Variants in MGMT observed in about 807,000 individuals in gnomAD.
The protein encoded by MGMT is methylated-DNA--protein-cysteine methyltransferase.
A neutral mutation model predicts 15.9 loss-of-function variants in MGMT; 14 were observed. That is an observed-to-expected ratio of 0.88 (90% CI 0.58 to 1.37). MGMT has a LOEUF of 1.37. Ranked by LOEUF, MGMT falls within the 40% of genes most tolerant of loss-of-function variation. The pLI, the probability that MGMT is intolerant of heterozygous loss-of-function variation, is 0.00. For synonymous variants in MGMT, 130 were observed against 118.2 expected (o/e 1.10, Z -0.65); for missense variants, 282 against 268.1 (o/e 1.05, Z -0.36).
At chr10:129,542,014 C>T (rs950963292) in intron 2 of MGMT, among the ~76,000 whole-genome samples, 1 of 152,166 alleles carries the variant, frequency 6.6e-6, no homozygotes, top group Non-Finnish European at 1.5e-5. Flanking sequence ...CCCTCTGGAA[C>T]GTGAGAACGT....
intron 3 of MGMT, chr10:129,715,614 G>C (rs182746086): frequency 1.0e-3 from 158 of 152,200 alleles, no homozygotes; most frequent in African/African-American, 3.6e-3. Context: ...GGTAATGTTC[G>C]TGCATTTGAA....
At chr10:129,518,339 C>CACACACAT (rs1355806107) in intron 1 of MGMT, among the ~76,000 whole-genome samples, 43 of 53,878 alleles carry the variant, frequency 8.0e-4, no homozygotes, top group African/African-American at 1.4e-3. Context: ...CACACACATA[C>CACACACAT]ACACACACAC....
intron 3 of MGMT, among the ~76,000 whole-genome samples, chr10:129,716,268 G>A (rs1420247733): frequency 2.0e-5 from 3 of 152,186 alleles, no homozygotes; most frequent in Admixed American, 1.3e-4. Flanking sequence ...ACCCACTCTG[G>A]CGAGCCCACC....
At chr10:129,516,819 C>G (rs960427443) in intron 1 of MGMT, among the ~76,000 whole-genome samples, 1 of 152,136 alleles carries the variant, frequency 6.6e-6, no homozygotes. Context: ...GAAACTCAGC[C>G]AGGTTTTTGT....
intron 2 of MGMT, among the ~76,000 whole-genome samples, chr10:129,681,080 C>T (rs940768911): frequency 5.3e-5 from 8 of 152,156 alleles, no homozygotes; most frequent in South Asian, 2.1e-4. Flanking sequence ...AACACTGGAG[C>T]GCCGGCTGCT....
chr10:129,552,611 A>C (rs1440610901), intron 2 of MGMT, among the ~76,000 whole-genome samples: 2 of 152,232 alleles, frequency 1.3e-5, no homozygotes, highest in African/African-American at 4.8e-5. Context: ...AGAATTCTGC[A>C]TCGCAGGCAC....
chr10:129,588,245 C>T (rs917793053), intron 2 of MGMT, among the ~76,000 whole-genome samples: 1 of 152,150 alleles, frequency 6.6e-6, no homozygotes, highest in Non-Finnish European at 1.5e-5. Flanking sequence ...GTCTCAGTTG[C>T]AGCTGACATT....
chr10:129,480,706 C>T lies in MGMT; in HGVS notation c.-13+13410C>T, dbSNP rs141721652. Reference sequence around the variant, plus strand: ...CAGCCTGGGCAATATAGCAAGATCCCGTCTCTACAAAAACATTTTTTAAAA... The same window carrying T: ...CAGCCTGGGCAATATAGCAAGATCCTGTCTCTACAAAAACATTTTTTAAAA... On this transcript the variant is annotated intron_variant, in intron 1 of 4. Coordinates refer to ENST00000651593, the MANE Select transcript of MGMT (RefSeq NM_002412.5). Among the ~76,000 whole-genome samples the T allele has an allele frequency of 5.2e-3, 795 of 152,214 alleles. 7 individuals are homozygous for T. The highest frequency in any genetic ancestry group is 0.018 in the African/African-American group (743 of 41,522).
At chr10:129,520,176 G>T (rs1204985131) in intron 1 of MGMT, among the ~76,000 whole-genome samples, 1 of 152,116 alleles carries the variant, frequency 6.6e-6, no homozygotes, top group Non-Finnish European at 1.5e-5. Context: ...ATGCTTTCAG[G>T]ATCCTTCAGA....
intron 2 of MGMT, among the ~76,000 whole-genome samples, chr10:129,681,165 C>T (rs771529813): frequency 6.6e-6 from 1 of 152,176 alleles, no homozygotes; most frequent in African/African-American, 2.4e-5. Context: ...CACCTGTGGC[C>T]GTAGCACCGG....
rs564343687 is a variant in MGMT, at chr10:129,569,244, G to A, written c.125+32867G>A. Among the ~76,000 whole-genome samples the A allele has an allele frequency of 7.2e-5, 11 of 152,264 alleles. No homozygotes were observed. In the South Asian group the frequency reaches 1.2e-3, roughly 17 times the overall value. ...GACATAAAACACCTGGCCCGGCTCC[G>A]GCGCACAGATGCTGAAGTCAGTTTT... is the stretch of plus-strand genomic sequence containing the variant. On this transcript the variant is annotated intron_variant, in intron 2 of 4. Transcript: ENST00000651593.
At chr10:129,756,702 T>A (rs1443860681) in intron 3 of MGMT, among the ~76,000 whole-genome samples, 2 of 152,132 alleles carry the variant, frequency 1.3e-5, no homozygotes, top group African/African-American at 4.8e-5. Flanking sequence ...ACTCCTGACC[T>A]CGTGATCCGC....
chr10:129,645,642 G>A (rs572555538), intron 2 of MGMT, among the ~76,000 whole-genome samples: 11 of 152,332 alleles, frequency 7.2e-5, no homozygotes, highest in East Asian at 5.8e-4. Context: ...GGATTTGTGC[G>A]TGTCGGTGGT....
Position 129,766,875 on chromosome 10 carries a change from C to T in MGMT, c.502C>T (p.Leu168Phe). The T allele has an allele frequency of 6.2e-7, 1 of 1,613,700 alleles. No individual in the cohort carries two copies. The highest frequency in any genetic ancestry group is 8.5e-7 in the Non-Finnish European group (1 of 1,180,030). ...YSGGLAVKEW[L>F]LAHEGHRLGK... Reference sequence around the variant, plus strand: ...CGGAGGACTGGCCGTGAAGGAATGGCTTCTGGCCCATGAAGGCCACCGGTT... The same window carrying T: ...CGGAGGACTGGCCGTGAAGGAATGGTTTCTGGCCCATGAAGGCCACCGGTT... The change falls in exon 5 of 5, where the codon CTT becomes TTT. Residue 168 changes from leucine to phenylalanine, a missense_variant. By Grantham distance (22) the Leu-to-Phe change is conservative (BLOSUM62 0). Coordinates refer to ENST00000651593, the MANE Select transcript of MGMT (RefSeq NM_002412.5).
intron 2 of MGMT, among the ~76,000 whole-genome samples, chr10:129,537,545 A>T (rs1220619381): frequency 2.0e-5 from 3 of 152,182 alleles, no homozygotes; most frequent in Non-Finnish European, 2.9e-5. Context: ...ACAATAAATC[A>T]TAGAAATTAT....
At chr10:129,579,261 A>C (rs1393356166) in intron 2 of MGMT, among the ~76,000 whole-genome samples, 2 of 152,272 alleles carry the variant, frequency 1.3e-5, no homozygotes, top group African/African-American at 4.8e-5. Context: ...TAAACAGATG[A>C]GTACCTGCTC....
chr10:129,670,688 C>T (rs1412613101), intron 2 of MGMT, among the ~76,000 whole-genome samples: 1 of 152,114 alleles, frequency 6.6e-6, no homozygotes, highest in African/African-American at 2.4e-5. Flanking sequence ...ATCCTACAGA[C>T]ATTAAAAGAT....
At chr10:129,648,261 CAAAT>C (rs756971148) in intron 2 of MGMT, among the ~76,000 whole-genome samples, 1 of 152,148 alleles carries the variant, frequency 6.6e-6, no homozygotes, top group East Asian at 1.9e-4. Context: ...TATTCTCACA[CAAAT>C]GAATATAGTG....
chr10:129,733,329 T>C (rs1191954824), intron 3 of MGMT, among the ~76,000 whole-genome samples: 4 of 152,134 alleles, frequency 2.6e-5, no homozygotes, highest in African/African-American at 9.7e-5. Flanking sequence ...CATTTTTTCA[T>C]GTGTTTTTTG....
Sources: gnomAD v4.1 joint callset for allele counts (sites outside exome capture counted in the v4.1 genomes callset) on GRCh38, gnomAD v4.1.1 for gene constraint, MANE v1.5 for transcripts, NCBI Gene and HGNC (gene_info 2026-07-23, HGNC 2026-07-21) for gene names.